PLCB4: variants seen among roughly 807,000 people sequenced by gnomAD.
PLCB4 encodes the protein phospholipase C beta 4.
Under a neutral mutation model 178.8 loss-of-function variants are expected in PLCB4, and 77 were observed. The ratio of observed to expected loss-of-function variants is 0.43; its 90% CI spans 0.36 to 0.52. The LOEUF (loss-of-function observed/expected upper bound fraction) is 0.52, where lower values mean the gene tolerates loss of function less well. PLCB4 is among the 20% of genes least tolerant of loss of function. The pLI is 0.00. For missense variants in PLCB4, 1,024 were observed against 1,453.4 expected (o/e 0.70, Z 4.80); for synonymous variants, 496 against 490.8 (o/e 1.01, Z -0.14).
At chr20:9,182,696 T>C (rs1331769940) in intron 2 of PLCB4, among the ~76,000 whole-genome samples, 1 of 152,094 alleles carries the variant, frequency 6.6e-6, no homozygotes, top group African/African-American at 2.4e-5. Context: ...ACATGGGACT[T>C]CGGATTTTTA....
At chr20:9,413,062 C>T (rs2039966900) in intron 25 of PLCB4, among the ~76,000 whole-genome samples, 1 of 152,238 alleles carries the variant, frequency 6.6e-6, no homozygotes, top group African/African-American at 2.4e-5. Context: ...CACACACAGA[C>T]ATTGCAAAAT....
At chr20:9,412,726 CA>C (rs2039944237) in intron 25 of PLCB4, among the ~76,000 whole-genome samples, 1 of 152,118 alleles carries the variant, frequency 6.6e-6, no homozygotes, top group African/African-American at 2.4e-5. Context: ...ATAATCCTAT[CA>C]AGTCAGTTTG....
At chr20:9,354,770 ATC>A (rs1300373271) in intron 7 of PLCB4, among the ~76,000 whole-genome samples, 3 of 152,208 alleles carry the variant, frequency 2.0e-5, no homozygotes, top group Non-Finnish European at 4.4e-5. Flanking sequence ...CCTGCCTGGT[ATC>A]TGTTGGAAGC....
chr20:9,232,161 T>C, intron 3 of PLCB4, among the ~76,000 whole-genome samples: 1 of 152,136 alleles, frequency 6.6e-6, no homozygotes, highest in East Asian at 1.9e-4. Flanking sequence ...ATGTGTGTAT[T>C]GAAGGAGGGT....
intron 4 of PLCB4, among the ~76,000 whole-genome samples, chr20:9,311,483 A>G (rs2094833113): frequency 1.3e-5 from 2 of 152,130 alleles, no homozygotes; most frequent in Admixed American, 1.3e-4. Flanking sequence ...CCCAACCAGG[A>G]GTGTCTCTCT....
chr20:9,294,971 A>C (rs904715642), intron 3 of PLCB4, among the ~76,000 whole-genome samples: 6 of 152,158 alleles, frequency 3.9e-5, no homozygotes, highest in African/African-American at 7.2e-5. Context: ...CCTGCAAAGA[A>C]GAAACTTAAG....
rs11087835 is a variant in PLCB4 at position 9,090,225 on chromosome 20, A to ATGTGTG, written c.-134-6044_-134-6039dup. ...TGTTATTTAATTGAGAATACTATTT[A>ATGTGTG]TGTGTGTGTGTGTGTGTGTGTGTCT... On this transcript the variant is annotated intron_variant, in intron 1 of 39. Coordinates refer to ENST00000378473, the MANE Select transcript of PLCB4 (RefSeq NM_001377142.1). Among the ~76,000 whole-genome samples the ATGTGTG allele has an allele frequency of 3.9e-3, 582 of 149,528 alleles. 2 individuals carry two copies. The highest frequency in any genetic ancestry group is 9.5e-3 in the African/African-American group (388 of 40,784).
At chr20:9,084,176 A>G (rs1016131631) in intron 1 of PLCB4, among the ~76,000 whole-genome samples, 1 of 152,218 alleles carries the variant, frequency 6.6e-6, no homozygotes, top group Non-Finnish European at 1.5e-5. Context: ...TTACAGGCAG[A>G]GATGAGATAA....
At chr20:9,384,575 A>G (rs945685286) in intron 14 of PLCB4, among the ~76,000 whole-genome samples, 164 bp downstream of exon 14, 2 of 152,234 alleles carry the variant, frequency 1.3e-5, no homozygotes, top group Non-Finnish European at 2.9e-5. Flanking sequence ...GAAGGACAGT[A>G]TCTCTTTCGG....
At chr20:9,092,339 C>T (rs897400486) in intron 1 of PLCB4, among the ~76,000 whole-genome samples, 1 of 152,070 alleles carries the variant, frequency 6.6e-6, no homozygotes, top group African/African-American at 2.4e-5. Context: ...CAGTGTGGCT[C>T]GGTAGAGTGA....
In PLCB4 at chr20:9,369,321, A is replaced by G. The variant is rs555209325; in HGVS notation, c.504-1893A>G. Among the ~76,000 whole-genome samples, 27 of 152,342 alleles carry G rather than the reference A, an allele frequency of 1.8e-4. No homozygotes were observed. In the South Asian group the frequency reaches 5.4e-3, roughly 30 times the overall value. ...GATTGTTCTCCTGAGAGCAAATGCC[A>G]GATCCTGCCAGAGTCTTACTAGCTA... On this transcript the variant is annotated intron_variant, in intron 9 of 39. Transcript: ENST00000378473.
intron 2 of PLCB4, among the ~76,000 whole-genome samples, chr20:9,111,892 C>T (rs1405016175): frequency 1.3e-5 from 2 of 152,068 alleles, no homozygotes; most frequent in African/African-American, 4.8e-5. Flanking sequence ...ATTTTTTCCA[C>T]TATGAAGTAT....
chr20:9,384,795 CTTT>C (rs528218872), intron 14 of PLCB4, among the ~76,000 whole-genome samples: 2 of 131,068 alleles, frequency 1.5e-5, no homozygotes, highest in Non-Finnish European at 1.7e-5. Flanking sequence ...TGTAAATTAG[CTTT>C]TTTTTTTTTT....
In PLCB4 at chr20:9,436,983, G is replaced by A. The variant is rs111784381; in HGVS notation, c.2614-19G>A. The A allele has an allele frequency of 1.2e-5, 19 of 1,612,690 alleles. No individual in the cohort carries two copies. The Middle Eastern group carries it at 1.6e-3, about 140-fold the overall frequency. On this transcript the variant is annotated intron_variant, in intron 29 of 39. Transcript: ENST00000378473. ...TTGAGTGACATTCATTTGGGTCAAT[G>A]TAAATGTTTCTGTTCCAGAGTGACA...
chr20:9,172,218 C>T (rs2093075794), intron 2 of PLCB4, among the ~76,000 whole-genome samples: 1 of 152,076 alleles, frequency 6.6e-6, no homozygotes, highest in Non-Finnish European at 1.5e-5. Flanking sequence ...AAGAATTCAT[C>T]ATATAACAAA....
intron 5 of PLCB4, among the ~76,000 whole-genome samples, chr20:9,337,653 T>G (rs1417036262): frequency 1.3e-5 from 2 of 152,154 alleles, no homozygotes; most frequent in Non-Finnish European, 2.9e-5. Flanking sequence ...AGAAAAGAAT[T>G]AAAGTTATAT....
chr20:9,400,431 T>G (rs1288645505), intron 19 of PLCB4, among the ~76,000 whole-genome samples: 3 of 152,242 alleles, frequency 2.0e-5, no homozygotes, highest in African/African-American at 7.2e-5. Flanking sequence ...ATTTTTCATT[T>G]ACTCCTGTTC....
At chr20:9,220,429 C>G (rs2147286761) in intron 3 of PLCB4, among the ~76,000 whole-genome samples, 1 of 152,264 alleles carries the variant, frequency 6.6e-6, no homozygotes, top group African/African-American at 2.4e-5. Context: ...GTCAGGAGTT[C>G]AAGACCAGCC....
At chr20:9,181,612 G>T (rs971576930) in intron 2 of PLCB4, among the ~76,000 whole-genome samples, 9 of 152,118 alleles carry the variant, frequency 5.9e-5, no homozygotes, top group Non-Finnish European at 1.3e-4. Context: ...TGGCACTCAG[G>T]TCGGGGGGAT....
Sources: gnomAD v4.1 joint callset for allele counts (sites outside exome capture counted in the v4.1 genomes callset) on GRCh38, gnomAD v4.1.1 for gene constraint, MANE v1.5 for transcripts, NCBI Gene and HGNC (gene_info 2026-07-23, HGNC 2026-07-21) for gene names.